The following CNTN5 variants were observed in gnomAD, a reference collection of about 807,000 sequenced individuals.
CNTN5 encodes the protein contactin 5.
Under a neutral mutation model 129.1 loss-of-function variants are expected in CNTN5, and 77 were observed. The ratio of observed to expected loss-of-function variants is 0.60; its 90% CI spans 0.50 to 0.72. The LOEUF (loss-of-function observed/expected upper bound fraction) is 0.72. Ranked by LOEUF, CNTN5 falls within the 30% of genes least tolerant of loss-of-function variation. The pLI is 0.00. For missense variants in CNTN5, 1,478 were observed against 1,328.8 expected (o/e 1.11, Z -1.75); for synonymous variants, 509 against 465.6 (o/e 1.09, Z -1.20).
At chr11:100,301,681 G>T (rs1168042569) in intron 20 of CNTN5, among the ~76,000 whole-genome samples, 1 of 151,484 alleles carries the variant, frequency 6.6e-6, no homozygotes, top group East Asian at 1.9e-4. Flanking sequence ...TGTCAACCAA[G>T]AAAGGCAGGA....
intron 9 of CNTN5, among the ~76,000 whole-genome samples, chr11:100,007,503 C>T (rs1940268735): frequency 6.6e-6 from 1 of 152,100 alleles, no homozygotes; most frequent in African/African-American, 2.4e-5. Flanking sequence ...TGCTACTTCA[C>T]CTTCCACTTT....
intron 2 of CNTN5, among the ~76,000 whole-genome samples, chr11:99,485,139 C>G (rs1591143062): frequency 6.6e-6 from 1 of 151,958 alleles, no homozygotes; most frequent in African/African-American, 2.4e-5. Flanking sequence ...GATCACTAGA[C>G]ATTACATTTA....
chr11:99,957,568 C>T (rs1413904508), intron 8 of CNTN5, among the ~76,000 whole-genome samples: 1 of 151,938 alleles, frequency 6.6e-6, no homozygotes, highest in Non-Finnish European at 1.5e-5. Context: ...ATTTAAACAC[C>T]TCATTTGTAT....
chr11:100,329,292 G>A (rs1309309904), intron 21 of CNTN5, among the ~76,000 whole-genome samples: 2 of 152,164 alleles, frequency 1.3e-5, no homozygotes, highest in Admixed American at 6.5e-5. Flanking sequence ...TCAAAGAGAG[G>A]CTGAGCTCAG....
chr11:99,849,402 A>G (rs1320685265), intron 6 of CNTN5, among the ~76,000 whole-genome samples: 4 of 151,936 alleles, frequency 2.6e-5, no homozygotes, highest in Non-Finnish European at 4.4e-5. Flanking sequence ...TAGTATACTG[A>G]CACTCCCTTA....
In CNTN5 at chr11:100,224,812, G is replaced by A; in HGVS notation, c.2005G>A (p.Gly669Arg). The A allele has an allele frequency of 1.2e-6, 2 of 1,612,602 alleles. No homozygotes were observed. The highest frequency in any genetic ancestry group is 1.7e-6 in the Non-Finnish European group (2 of 1,178,898). The change falls in exon 16 of 25, where the codon GGA becomes AGA. Residue 669 changes from glycine (G) to arginine (R), a missense_variant and splice_region_variant. Coordinates refer to ENST00000524871, the MANE Select transcript of CNTN5 (RefSeq NM_014361.4). ...VSDEAELLVRGPPGPPGIVIV... is the reference protein window; with the variant it reads ...VSDEAELLVRRPPGPPGIVIV... The stretch of plus-strand genomic sequence containing the variant: ...AGATGAGGCAGAACTTCTTGTTAGG[G>A]GTGAGTATGCTAATAGTGCAGTCTG...
chr11:99,583,979 G>T (rs994859412), intron 3 of CNTN5, among the ~76,000 whole-genome samples: 2 of 152,094 alleles, frequency 1.3e-5, no homozygotes, highest in East Asian at 3.9e-4. Context: ...CCCTCTCAAA[G>T]ATTTTCATTG....
chr11:99,213,866 T>A (rs1333401999), intron 1 of CNTN5, among the ~76,000 whole-genome samples: 1 of 152,138 alleles, frequency 6.6e-6, no homozygotes, highest in Non-Finnish European at 1.5e-5. Context: ...TTTTGAATAT[T>A]TCTACCATGC....
intron 4 of CNTN5, among the ~76,000 whole-genome samples, chr11:99,823,415 TC>T (rs1179679079): frequency 6.6e-6 from 1 of 152,104 alleles, no homozygotes; most frequent in Non-Finnish European, 1.5e-5. Context: ...TTTATTCAGG[TC>T]TTGATTATGC....
chr11:99,380,715 C>A (rs1433407126), intron 2 of CNTN5, among the ~76,000 whole-genome samples: 2 of 132,934 alleles, frequency 1.5e-5, no homozygotes, highest in African/African-American at 5.9e-5. Context: ...TTGCAGTGAG[C>A]CAAGATCACA....
intron 2 of CNTN5, among the ~76,000 whole-genome samples, chr11:99,415,804 C>T (rs183090551): frequency 7.9e-4 from 120 of 152,264 alleles, no homozygotes; most frequent in African/African-American, 2.8e-3. Flanking sequence ...ATTAACGTAA[C>T]TTGCATAGCT....
intron 1 of CNTN5, among the ~76,000 whole-genome samples, chr11:99,112,941 A>G (rs1376257222): frequency 6.6e-6 from 1 of 152,006 alleles, no homozygotes; most frequent in African/African-American, 2.4e-5. Flanking sequence ...ACTAAACGTT[A>G]CAGTGAGGTG....
At chr11:100,060,490 A>T (rs1397186251) in intron 9 of CNTN5, among the ~76,000 whole-genome samples, 1 of 152,100 alleles carries the variant, frequency 6.6e-6, no homozygotes, top group Non-Finnish European at 1.5e-5. Context: ...CTATTTGGCC[A>T]GAAAATAAGA....
intron 18 of CNTN5, among the ~76,000 whole-genome samples, chr11:100,291,606 G>A (rs1950973609): frequency 6.6e-6 from 1 of 151,296 alleles, no homozygotes; most frequent in African/African-American, 2.4e-5. Context: ...TGGGGACTGT[G>A]GTGGGGAAGG....
intron 2 of CNTN5, among the ~76,000 whole-genome samples, chr11:99,545,833 C>A (rs1419642207): frequency 6.6e-6 from 1 of 152,176 alleles, no homozygotes; most frequent in African/African-American, 2.4e-5. Context: ...TCCCCTTTTC[C>A]GTAAGTTGCA....
At chr11:99,995,337 A>AAC (rs199508950) in intron 8 of CNTN5, among the ~76,000 whole-genome samples, 8 of 151,802 alleles carry the variant, frequency 5.3e-5, no homozygotes, top group Non-Finnish European at 7.4e-5. Flanking sequence ...AAAAAAAAAA[A>AAC]CAATAAATAC....
chr11:100,078,841 A>G (rs563913201), intron 13 of CNTN5, among the ~76,000 whole-genome samples: 3 of 152,188 alleles, frequency 2.0e-5, no homozygotes, highest in East Asian at 3.9e-4. Flanking sequence ...AGTGATAATG[A>G]TGGTATCTGT....
At chr11:100,043,920 A>G (rs751237169) in intron 9 of CNTN5, among the ~76,000 whole-genome samples, 1 of 152,146 alleles carries the variant, frequency 6.6e-6, no homozygotes, top group African/African-American at 2.4e-5. Context: ...TTCAAGGGGT[A>G]CAAGTGCAGT....
At chr11:99,790,244 T>G (rs887638807) in intron 3 of CNTN5, among the ~76,000 whole-genome samples, 1 of 152,096 alleles carries the variant, frequency 6.6e-6, no homozygotes, top group Non-Finnish European at 1.5e-5. Flanking sequence ...AAATTGTGTT[T>G]CATAGGAGTT....
Sources: allele counts gnomAD v4.1 joint callset (sites outside exome capture counted in the v4.1 genomes callset), GRCh38; gene constraint gnomAD v4.1.1; transcripts MANE v1.5; gene names NCBI Gene and HGNC (gene_info 2026-07-23, HGNC 2026-07-21).